SLC7A14: variants seen among roughly 807,000 people sequenced by gnomAD.
SLC7A14 encodes the protein solute carrier family 7 member 14, also known as gamma-aminobutyric acid transporter SLC7A14.
Under a neutral mutation model 60.2 loss-of-function variants are expected in SLC7A14, and 37 were observed. That is an observed-to-expected ratio of 0.61 (90% confidence interval 0.47 to 0.81). The LOEUF (loss-of-function observed/expected upper bound fraction) is 0.81, where lower values mean the gene tolerates loss of function less well. Ranked by LOEUF, SLC7A14 falls within the 30% of genes least tolerant of loss-of-function variation. The pLI is 0.00. For synonymous variants in SLC7A14, 399 were observed against 395.8 expected (o/e 1.01, Z -0.10); for missense variants, 886 against 982.7 (o/e 0.90, Z 1.32).
intron 1 of SLC7A14, among the ~76,000 whole-genome samples, chr3:170,575,282 G>A (rs956166733): frequency 5.9e-5 from 9 of 152,214 alleles, no homozygotes; most frequent in African/African-American, 1.9e-4. Flanking sequence ...ATGCAAGCAT[G>A]AACAGCATAT....
At chr3:170,480,245 GA>G in intron 7 of SLC7A14, 43 bp downstream of exon 7, 2 of 1,505,288 alleles carry the variant, frequency 1.3e-6, no homozygotes, top group South Asian at 2.8e-5. Flanking sequence ...GCATGCTTAA[GA>G]CCTTAAAAGG....
At chr3:170,482,725 A>T (rs887446363) in intron 6 of SLC7A14, among the ~76,000 whole-genome samples, 1 of 152,186 alleles carries the variant, frequency 6.6e-6, no homozygotes, top group Non-Finnish European at 1.5e-5. Context: ...GATTTGTGGC[A>T]ATTTTGTTTC....
intron 1 of SLC7A14, among the ~76,000 whole-genome samples, chr3:170,538,971 C>T (rs185090163): frequency 2.6e-5 from 4 of 152,370 alleles, no homozygotes; most frequent in Admixed American, 1.3e-4. Context: ...TCTCTGATTT[C>T]CTGTAGGACC....
intron 2 of SLC7A14, among the ~76,000 whole-genome samples, chr3:170,524,653 C>A (rs754775482): frequency 3.0e-4 from 45 of 152,160 alleles, no homozygotes; most frequent in Non-Finnish European, 6.0e-4. Context: ...ATGTTTAGAT[C>A]TAGAAACTCA....
At chr3:170,479,130 CAAACA>C (rs914561034) in intron 7 of SLC7A14, among the ~76,000 whole-genome samples, 7 of 146,430 alleles carry the variant, frequency 4.8e-5, no homozygotes, top group Admixed American at 4.2e-4. Flanking sequence ...TCAACAACAA[CAAACA>C]AAACAAAACA....
Position 170,585,095 on chromosome 3 carries a change from G to C in SLC7A14, c.-153+816C>G, listed in dbSNP as rs570275164. Among the ~76,000 whole-genome samples the C allele has an allele frequency of 6.6e-6, 1 of 152,326 alleles. No individual in the cohort carries two copies. Among genetic ancestry groups the C allele is most frequent in the East Asian group, 1.9e-4 (1 of 5,164 alleles). On this transcript the variant is annotated intron_variant, in intron 1 of 7. Transcript: ENST00000231706. The surrounding 1 kb of genome is among the most constrained non-coding windows in gnomAD (Gnocchi z 5.1). ...AGGAGAGAGAAGGAGGGTGGGGGCT[G>C]CATCCCGCGTGGCCACGCAGCCCTA...
intron 2 of SLC7A14, among the ~76,000 whole-genome samples, chr3:170,519,023 ACG>A (rs1437531016): frequency 6.6e-6 from 1 of 152,114 alleles, no homozygotes. Flanking sequence ...TGCATTACTG[ACG>A]CTTTTTTGAG....
chr3:170,511,846 T>G (rs1712991156), intron 2 of SLC7A14, among the ~76,000 whole-genome samples: 1 of 152,206 alleles, frequency 6.6e-6, no homozygotes, highest in South Asian at 2.1e-4. Flanking sequence ...AGGTTTGAAA[T>G]CTTTAATCTA....
chr3:170,504,540 C>T (rs1474522982), intron 2 of SLC7A14, among the ~76,000 whole-genome samples: 2 of 151,984 alleles, frequency 1.3e-5, no homozygotes, highest in African/African-American at 4.8e-5. Context: ...AGGCTGGTCT[C>T]GAAGTCCTGA....
At chr3:170,469,630 A>T (rs930307217) in intron 7 of SLC7A14, among the ~76,000 whole-genome samples, 5 of 152,090 alleles carry the variant, frequency 3.3e-5, no homozygotes, top group African/African-American at 1.2e-4. Flanking sequence ...GGCATCTGAG[A>T]ATGGATTTCA....
intron 4 of SLC7A14, chr3:170,495,761 C>T (rs897833735): frequency 1.1e-5 from 13 of 1,182,798 alleles, no homozygotes; most frequent in Middle Eastern, 2.0e-4. Flanking sequence ...CCTTCATCGA[C>T]AAGGTACGGT....
At chr3:170,525,795 C>T (rs1476727703) in intron 2 of SLC7A14, among the ~76,000 whole-genome samples, 1 of 152,190 alleles carries the variant, frequency 6.6e-6, no homozygotes, top group Non-Finnish European at 1.5e-5. Flanking sequence ...AGGTTCACGC[C>T]TGTTATCTCA....
At position 170,461,894 on chromosome 3, in the gene SLC7A14, C is replaced by G. The variant is rs1739612209; in HGVS notation, c.*5161G>C. The G allele has an allele frequency of 6.6e-6, 1 of 152,630 alleles. No individual in the cohort carries two copies. The allele number at this position is 152,630 out of a possible 1,614,324, so 9.5% of individuals were successfully genotyped here. Reference sequence around the variant, plus strand: ...TTCCAAACAGCATGAAAATGGAGCGCTGGCACACAGCCCTCGTGGCGACTT... The same window carrying G: ...TTCCAAACAGCATGAAAATGGAGCGGTGGCACACAGCCCTCGTGGCGACTT... On this transcript the variant is annotated 3_prime_UTR_variant, in exon 8 of 8. Coordinates refer to ENST00000231706, the MANE Select transcript of SLC7A14 (RefSeq NM_020949.3).
At chr3:170,566,377 C>T (rs1384692409) in intron 1 of SLC7A14, among the ~76,000 whole-genome samples, 4 of 152,068 alleles carry the variant, frequency 2.6e-5, no homozygotes, top group East Asian at 1.9e-4. Context: ...CCTTAGTGTT[C>T]GAAGTTGGAG....
intron 2 of SLC7A14, among the ~76,000 whole-genome samples, chr3:170,506,674 A>T (rs1712789566): frequency 6.6e-6 from 1 of 152,190 alleles, no homozygotes; most frequent in Non-Finnish European, 1.5e-5. Context: ...AACTATGCTT[A>T]ACAGAGCACA....
At chr3:170,524,604 C>T (rs2108292573) in intron 2 of SLC7A14, among the ~76,000 whole-genome samples, 1 of 152,292 alleles carries the variant, frequency 6.6e-6, no homozygotes, top group East Asian at 1.9e-4. Flanking sequence ...ATATGGCTGC[C>T]TTTTGTCCTA....
At chr3:170,574,209 C>T (rs1715027496) in intron 1 of SLC7A14, among the ~76,000 whole-genome samples, 1 of 152,096 alleles carries the variant, frequency 6.6e-6, no homozygotes, top group Non-Finnish European at 1.5e-5. Flanking sequence ...TAAAACGATT[C>T]CTGAGAAGTT....
Position 170,483,359 on chromosome 3 carries a change from A to G in SLC7A14, c.1070T>C (p.Met357Thr). 6.2e-7 allele frequency: 1 copy of G among 1,614,196 alleles called. No homozygotes were observed. Among genetic ancestry groups the G allele is most frequent in the Non-Finnish European group, 8.5e-7 (1 of 1,180,030 alleles). ...TVSLLGSLFP[M>T]PRVIYAMAGD... The stretch of plus-strand genomic sequence containing the variant: ...AGCCATGGCATAAATGACCCTCGGC[A>G]TCGGGAAGAGGGACCCCAGCAAGCT... The change falls in exon 6 of 8, where the codon ATG becomes ACG. Residue 357 changes from methionine to threonine, a missense_variant. Coordinates refer to ENST00000231706, the MANE Select transcript of SLC7A14 (RefSeq NM_020949.3).
chr3:170,504,242 A>G (rs1712699875), intron 2 of SLC7A14, among the ~76,000 whole-genome samples: 1 of 152,208 alleles, frequency 6.6e-6, no homozygotes, highest in Admixed American at 6.5e-5. Context: ...GGTATGTAAG[A>G]GGAACACATT....
Sources: gnomAD v4.1 joint callset for allele counts (sites outside exome capture counted in the v4.1 genomes callset) on GRCh38, gnomAD v4.1.1 for gene constraint, Gnocchi (gnomAD v3.1) non-coding constraint, MANE v1.5 for transcripts, NCBI Gene and HGNC (gene_info 2026-07-23, HGNC 2026-07-21) for gene names.